SCN2A: variants seen among roughly 807,000 people sequenced by gnomAD.
The protein encoded by SCN2A is sodium channel protein type 2 subunit alpha.
A neutral mutation model predicts 188.7 loss-of-function variants in SCN2A; 20 were observed. That is an observed-to-expected ratio of 0.11 (90% CI 0.07 to 0.15). SCN2A has a LOEUF of 0.15. SCN2A is among the 10% of genes least tolerant of loss of function. The probability of loss-of-function intolerance (pLI) is 1.00; values close to 1 mark genes in which losing one functional copy is unlikely to be tolerated. For missense variants in SCN2A, 1,278 were observed against 2,445.0 expected, an observed-to-expected ratio of 0.52 and a Z score of 10.07; for synonymous variants, 804 against 833.1, an observed-to-expected ratio of 0.97 and a Z score of 0.60.
At chr2:165,244,413 A>AT (rs892329598) in intron 1 of SCN2A, among the ~76,000 whole-genome samples, 5 of 151,428 alleles carry the variant, frequency 3.3e-5, no homozygotes, top group East Asian at 1.9e-4. Flanking sequence ...CAGAAGTATA[A>AT]TTTTTTTTTC....
chr2:165,373,038 C>A lies in SCN2A; in HGVS notation c.3850-187C>A, dbSNP rs1036233066. On this transcript the variant is annotated intron_variant, in intron 20 of 26. Coordinates refer to ENST00000375437, the MANE Select transcript of SCN2A (RefSeq NM_001040142.2). The stretch of plus-strand genomic sequence containing the variant: ...TTCACCCTGGGAACCTGTAGAAATG[C>A]AAATTCTTAGGCCTTTCCCCAAACT... 5.2e-6 allele frequency: 3 copies of A among 576,888 alleles called. No individual in the cohort carries two copies. The African/African-American group carries it at 5.6e-5, about 11-fold the overall frequency. 35.7% of individuals were successfully genotyped at this position (576,888 alleles called of 1,614,324 possible). A position where few individuals can be genotyped will look rare whatever the true frequency, so the allele number is the denominator to read the frequency against.
chr2:165,352,487 T>C (rs902244108), intron 16 of SCN2A, among the ~76,000 whole-genome samples: 1 of 152,180 alleles, frequency 6.6e-6, no homozygotes, highest in African/African-American at 2.4e-5. Context: ...TGTAGAATCC[T>C]TTTTATTGAA....
At chr2:165,263,521 C>T (rs1272134494) in intron 1 of SCN2A, among the ~76,000 whole-genome samples, 1 of 151,762 alleles carries the variant, frequency 6.6e-6, no homozygotes, top group Non-Finnish European at 1.5e-5. Context: ...TTTGCTTTGT[C>T]AAAGCTGTAA....
intron 1 of SCN2A, among the ~76,000 whole-genome samples, chr2:165,241,901 T>G (rs1052771882): frequency 6.6e-6 from 1 of 152,150 alleles, no homozygotes; most frequent in Admixed American, 6.6e-5. Context: ...AAACAGAAAG[T>G]TGCTTATTCC....
intron 1 of SCN2A, among the ~76,000 whole-genome samples, chr2:165,246,873 G>A (rs1693870219): frequency 6.6e-6 from 1 of 152,014 alleles, no homozygotes; most frequent in South Asian, 2.1e-4. Context: ...CCAGGTTCTT[G>A]TACTTAGATT....
intron 1 of SCN2A, among the ~76,000 whole-genome samples, chr2:165,281,237 G>A (rs1164570884): frequency 1.3e-5 from 2 of 152,042 alleles, no homozygotes; most frequent in African/African-American, 4.8e-5. Flanking sequence ...TATTTTATTA[G>A]GGGAAGTTGA....
At chr2:165,381,321 G>T in intron 25 of SCN2A, 124 bp downstream of exon 25, 1 of 662,424 alleles carries the variant, frequency 1.5e-6, no homozygotes, top group East Asian at 2.9e-5. Context: ...TTAACAATGG[G>T]ACTAGCTAGC....
intron 17 of SCN2A, among the ~76,000 whole-genome samples, chr2:165,359,441 A>G (rs1307652813): frequency 6.6e-6 from 1 of 152,040 alleles, no homozygotes; most frequent in Non-Finnish European, 1.5e-5. Context: ...CAACGTATCT[A>G]GGGGATTCAG....
rs1353703117 is a variant in SCN2A at position 165,392,289 on chromosome 2, A to T, written c.*2465A>T. 6.6e-6 allele frequency: 1 copy of T among 152,428 alleles called. No homozygotes were observed. Among genetic ancestry groups the T allele is most frequent in the African/African-American group, 2.4e-5 (1 of 41,442 alleles). The allele number at this position is 152,428 out of a possible 1,614,324, so 9.4% of individuals were successfully genotyped here. A position where few individuals can be genotyped will look rare whatever the true frequency, so the allele number is the denominator to read the frequency against. On this transcript the variant is annotated 3_prime_UTR_variant, in exon 27 of 27. Coordinates refer to ENST00000375437, the MANE Select transcript of SCN2A (RefSeq NM_001040142.2). ...CTAGTGGAAAGTTACAAAAATTAATAAAAAATTGACTAACATTTTAAGTTG... is the reference window on the plus strand; with the variant it reads ...CTAGTGGAAAGTTACAAAAATTAATTAAAAATTGACTAACATTTTAAGTTG...
intron 1 of SCN2A, among the ~76,000 whole-genome samples, chr2:165,259,871 T>TA (rs1694495651): frequency 6.6e-6 from 1 of 151,972 alleles, no homozygotes; most frequent in Non-Finnish European, 1.5e-5. Flanking sequence ...TTTTCCAACT[T>TA]ACTTTGCCCA....
intron 10 of SCN2A, among the ~76,000 whole-genome samples, 183 bp from the exon 11 acceptor site, chr2:165,315,288 A>C (rs573487295): frequency 3.9e-5 from 6 of 152,312 alleles, no homozygotes; most frequent in African/African-American, 1.2e-4. Context: ...ATCATCTTCC[A>C]TATGAATGCC....
intron 18 of SCN2A, 115 bp from the exon 19 acceptor site, chr2:165,367,102 T>G: frequency 1.0e-6 from 1 of 995,508 alleles, no homozygotes; most frequent in South Asian, 1.5e-5. Context: ...ATCTTAAAAA[T>G]TAATGTTATT....
intron 20 of SCN2A, 162 bp from the exon 21 acceptor site, chr2:165,373,063 T>C: frequency 1.4e-6 from 1 of 702,112 alleles, no homozygotes; most frequent in Non-Finnish European, 2.4e-6. Flanking sequence ...TTCCCCAAAC[T>C]TACTAAGTCA....
chr2:165,239,613 T>G lies in SCN2A; in HGVS notation c.-79T>G. 1.0e-6 allele frequency: 1 copy of G among 983,796 alleles called. No individual in the cohort carries two copies. The highest frequency in any genetic ancestry group is 1.2e-6 in the Non-Finnish European group (1 of 828,468). The allele number at this position is 983,796 out of a possible 1,614,324, so 60.9% of individuals were successfully genotyped here. On this transcript the variant is annotated 5_prime_UTR_variant, in exon 1 of 27. Coordinates refer to ENST00000375437, the MANE Select transcript of SCN2A (RefSeq NM_001040142.2). ...ATTCAACACATACGTGGATTCTGTG[T>G]TATGATTTACATTTTTCTTTATTTC...
intron 4 of SCN2A, 84 bp from the exon 5 acceptor site, chr2:165,308,581 TG>T: frequency 6.8e-7 from 1 of 1,460,910 alleles, no homozygotes; most frequent in Non-Finnish European, 9.5e-7. Context: ...GTCTAATTTT[TG>T]TTTGCTGTTT....
intron 14 of SCN2A, among the ~76,000 whole-genome samples, chr2:165,333,828 A>C (rs1374561872): frequency 6.6e-6 from 1 of 151,516 alleles, no homozygotes; most frequent in Non-Finnish European, 1.5e-5. Context: ...ATAAAACCAA[A>C]AGTTATTTCT....
rs1193491469 is a variant in SCN2A at position 165,239,590 on chromosome 2, T to A, written c.-102T>A. 7.2e-6 allele frequency: 7 copies of A among 977,960 alleles called. No homozygotes were observed. Among genetic ancestry groups the A allele is most frequent in the Non-Finnish European group, 8.5e-6 (7 of 823,238 alleles). The allele number at this position is 977,960 out of a possible 1,614,324, so 60.6% of individuals were successfully genotyped here. A position where few individuals can be genotyped will look rare whatever the true frequency, so the allele number is the denominator to read the frequency against. ...AGAATTGCATTGGAGACTGTTATAT[T>A]CAACACATACGTGGATTCTGTGTTA... On this transcript the variant is annotated 5_prime_UTR_variant, in exon 1 of 27. Transcript: ENST00000375437.
In SCN2A at chr2:165,378,813, A is replaced by G. The variant is rs964609667; in HGVS notation, c.4308+1163A>G. ...AGCACATTACAAAAGATGAAAGCCAATTGAGCACTACATTTATGAAAAGTT... is the reference window on the plus strand; with the variant it reads ...AGCACATTACAAAAGATGAAAGCCAGTTGAGCACTACATTTATGAAAAGTT... On this transcript the variant is annotated intron_variant, in intron 23 of 26. Coordinates refer to ENST00000375437, the MANE Select transcript of SCN2A (RefSeq NM_001040142.2). Among the ~76,000 whole-genome samples, 6 of 151,956 alleles carry G rather than the reference A, an allele frequency of 3.9e-5. No homozygotes were observed. The East Asian group carries it at 7.7e-4, about 20-fold the overall frequency.
At position 165,391,754 on chromosome 2, in the gene SCN2A, T is replaced by C. The variant is rs935314306; in HGVS notation, c.*1930T>C. 1.3e-5 allele frequency: 2 copies of C among 152,642 alleles called. No homozygotes were observed. Among genetic ancestry groups the C allele is most frequent in the Non-Finnish European group, 2.9e-5 (2 of 67,986 alleles). 9.5% of individuals were successfully genotyped at this position (152,642 alleles called of 1,614,324 possible). On this transcript the variant is annotated 3_prime_UTR_variant, in exon 27 of 27. Transcript: ENST00000375437. ...CAGTAATCATCAGTCTTTTCCAATG[T>C]TTGTTTACACAGATAGATCTTATTG... is the stretch of plus-strand genomic sequence containing the variant.
Sources: allele counts gnomAD v4.1 joint callset (sites outside exome capture counted in the v4.1 genomes callset), GRCh38; gene constraint gnomAD v4.1.1; transcripts MANE v1.5; gene names NCBI Gene and HGNC (gene_info 2026-07-23, HGNC 2026-07-21).